XKR7: variants seen among roughly 807,000 people sequenced by gnomAD.
XKR7 encodes XK-related protein 7.
Under a neutral mutation model 42.2 loss-of-function variants are expected in XKR7, and 11 were observed. The observed-to-expected ratio is 0.26, with a 90% CI of 0.16 to 0.43. XKR7 has a LOEUF of 0.43. Ranked by LOEUF, XKR7 falls within the 20% of genes least tolerant of loss-of-function variation. The pLI is 1.00. For synonymous variants in XKR7, 346 were observed against 366.4 expected (o/e 0.94, Z 0.64); for missense variants, 710 against 802.2 (o/e 0.89, Z 1.39).
chr20:31,982,379 G>A (rs1040289999), intron 1 of XKR7, among the ~76,000 whole-genome samples: 23 of 151,948 alleles, frequency 1.5e-4, no homozygotes, highest in African/African-American at 5.6e-4. Context: ...AAATCAGCTG[G>A]GGTGTGGTGG....
chr20:31,968,689 C>T lies in XKR7; in HGVS notation c.514C>T (p.Arg172Cys). The T allele has an allele frequency of 6.4e-7, 1 of 1,565,558 alleles. No homozygotes were observed. The highest frequency in any genetic ancestry group is 8.6e-7 in the Non-Finnish European group (1 of 1,163,560). Residue 172 changes from arginine to cysteine, a missense_variant, in exon 1 of 3, where the codon CGC (arginine) becomes TGC (cysteine). Physicochemically the swap from Arg to Cys is radical, Grantham distance 180. Coordinates refer to ENST00000562532, the MANE Select transcript of XKR7 (RefSeq NM_001011718.2). This position sits in a 1 kb window ranked among gnomAD's most constrained non-coding sequence, Gnocchi z 4.5. ...CTCCTCGGCCAGCGCCTACCGCCGC[C>T]GCTGCTGCCGCCTCTGCATCTGGCT... ...APSSASAYRRRCCRLCIWLLQ... is the reference protein window; with the variant it reads ...APSSASAYRRCCCRLCIWLLQ...
intron 1 of XKR7, among the ~76,000 whole-genome samples, chr20:31,978,946 CCAA>C (rs1354614436): frequency 1.3e-5 from 2 of 152,092 alleles, no homozygotes; most frequent in East Asian, 3.9e-4. Context: ...ACCAGCCTGG[CCAA>C]CATGGTGAAA....
In XKR7 at chr20:32,000,338, C is replaced by T. The variant is rs73102671; in HGVS notation, c.*2881C>T. ...CAGTCTCTCCCCTAGCAGAACTGACCCCCCTGGTCCTCTGCCTCCTGTCCC... is the reference window on the plus strand; with the variant it reads ...CAGTCTCTCCCCTAGCAGAACTGACTCCCCTGGTCCTCTGCCTCCTGTCCC... On this transcript the variant is annotated 3_prime_UTR_variant, in exon 3 of 3. Coordinates refer to ENST00000562532, the MANE Select transcript of XKR7 (RefSeq NM_001011718.2). The T allele has an allele frequency of 0.083, 12,429 of 150,404 alleles. 561 individuals carry two copies. Among genetic ancestry groups the T allele is most frequent in the African/African-American group, 0.14 (5,575 of 39,462 alleles). The allele number at this position is 150,404 out of a possible 1,614,324, so 9.3% of individuals were successfully genotyped here. A position where few individuals can be genotyped will look rare whatever the true frequency, so the allele number is the denominator to read the frequency against.
chr20:31,981,211 A>T (rs1268282851), intron 1 of XKR7, among the ~76,000 whole-genome samples: 2 of 151,906 alleles, frequency 1.3e-5, no homozygotes, highest in Non-Finnish European at 2.9e-5. Flanking sequence ...CAAAAAAAAA[A>T]AAAATACAAA....
rs1444408770 is a variant in XKR7 at position 31,998,786 on chromosome 20, A to G, written c.*1329A>G. ...ATCCTGGCTCTCAGCCACTCTGCAAATGGGGCTCCCTGGAGCGGCATCTGG... is the reference window on the plus strand; with the variant it reads ...ATCCTGGCTCTCAGCCACTCTGCAAGTGGGGCTCCCTGGAGCGGCATCTGG... On this transcript the variant is annotated 3_prime_UTR_variant, in exon 3 of 3. Coordinates refer to ENST00000562532, the MANE Select transcript of XKR7 (RefSeq NM_001011718.2). The G allele has an allele frequency of 6.6e-6, 1 of 152,196 alleles. No homozygotes were observed. The highest frequency in any genetic ancestry group is 2.4e-5 in the African/African-American group (1 of 41,522). The allele number at this position is 152,196 out of a possible 1,614,324, so 9.4% of individuals were successfully genotyped here.
chr20:31,995,254 G>C lies in XKR7; in HGVS notation c.771G>C (p.Ala257=). Residue 257 remains alanine (A), a synonymous_variant, in exon 2 of 3, where the codon GCG becomes GCC. Transcript: ENST00000562532. This position sits in a 1 kb window ranked among gnomAD's most constrained non-coding sequence, Gnocchi z 4.1. ...GCCTGCTGGTGCACCGCGGTGGCGC[G>C]CCCGACCTGCTGCCGGGTGAGCCCG... The part of the protein sequence containing the change: ...QLSLLVHRGG[A]PDLLPALSTS... 1 of 1,537,374 alleles carries C rather than the reference G, an allele frequency of 6.5e-7. No individual in the cohort carries two copies. The highest frequency in any genetic ancestry group is 2.2e-4 in the Middle Eastern group (1 of 4,592).
intron 1 of XKR7, among the ~76,000 whole-genome samples, chr20:31,975,364 C>T (rs948296924): frequency 2.6e-5 from 4 of 152,144 alleles, no homozygotes; most frequent in Non-Finnish European, 4.4e-5. Context: ...GCTCTACCCA[C>T]ATGACAACCT....
intron 1 of XKR7, among the ~76,000 whole-genome samples, chr20:31,985,665 G>A (rs1448195824): frequency 2.0e-5 from 3 of 149,680 alleles, no homozygotes; most frequent in Non-Finnish European, 4.4e-5. Flanking sequence ...CCAAGACACA[G>A]ACAGACCACC....
At chr20:31,976,272 C>T (rs931749485) in intron 1 of XKR7, among the ~76,000 whole-genome samples, 1 of 152,216 alleles carries the variant, frequency 6.6e-6, no homozygotes, top group Non-Finnish European at 1.5e-5. Flanking sequence ...CCCAAACCCA[C>T]ATGTGGAACC....
intron 1 of XKR7, among the ~76,000 whole-genome samples, chr20:31,989,832 T>C (rs1310111066): frequency 6.6e-6 from 1 of 152,164 alleles, no homozygotes; most frequent in Non-Finnish European, 1.5e-5. Flanking sequence ...AGGCTGGTCT[T>C]GAACTCCTGG....
intron 1 of XKR7, among the ~76,000 whole-genome samples, chr20:31,987,417 T>C (rs1270847476): frequency 1.4e-4 from 11 of 75,906 alleles, no homozygotes; most frequent in South Asian, 4.3e-4. Flanking sequence ...GACCACCAAG[T>C]AGACCCAGCA....
chr20:31,985,431 G>T (rs2064533350), intron 1 of XKR7, among the ~76,000 whole-genome samples: 1 of 151,844 alleles, frequency 6.6e-6, no homozygotes, highest in Non-Finnish European at 1.5e-5. Flanking sequence ...GAGACCCAGA[G>T]TCAGGGAGAG....
chr20:31,978,338 G>T (rs1022078704), intron 1 of XKR7, among the ~76,000 whole-genome samples: 2 of 152,188 alleles, frequency 1.3e-5, no homozygotes, highest in Admixed American at 1.3e-4. Flanking sequence ...TTGAACTCCT[G>T]GGCTCAAGTG....
At chr20:31,971,655 G>C (rs114210410) in intron 1 of XKR7, among the ~76,000 whole-genome samples, 423 of 152,276 alleles carry the variant, frequency 2.8e-3, no homozygotes, top group African/African-American at 8.8e-3. Context: ...CACCTGGGAG[G>C]CTAGGCAGTC....
chr20:31,973,897 G>T (rs2064474632), intron 1 of XKR7, among the ~76,000 whole-genome samples: 1 of 152,090 alleles, frequency 6.6e-6, no homozygotes, highest in Admixed American at 6.5e-5. Flanking sequence ...CTGCTGGGTG[G>T]GGAATAGACT....
In XKR7 at chr20:31,995,269, G is replaced by C; in HGVS notation, c.786G>C (p.Pro262=). ...VHRGGAPDLL[P]ALSTSASLVS... is the part of the protein sequence containing the mutation. Reference sequence around the variant, plus strand: ...GCGGTGGCGCGCCCGACCTGCTGCCGGGTGAGCCCGCCCCTTCACCCTCTG... The same window carrying C: ...GCGGTGGCGCGCCCGACCTGCTGCCCGGTGAGCCCGCCCCTTCACCCTCTG... Residue 262 remains proline (P), a splice_region_variant and synonymous_variant, in exon 2 of 3, where the codon CCG becomes CCC. Coordinates refer to ENST00000562532, the MANE Select transcript of XKR7 (RefSeq NM_001011718.2). The surrounding 1 kb of genome is among the most constrained non-coding windows in gnomAD (Gnocchi z 4.1). 1.3e-6 allele frequency: 2 copies of C among 1,535,370 alleles called. No individual in the cohort carries two copies. The highest frequency in any genetic ancestry group is 1.2e-5 in the South Asian group (1 of 83,846).
intron 1 of XKR7, among the ~76,000 whole-genome samples, chr20:31,976,720 G>C (rs998876772): frequency 4.6e-5 from 7 of 152,120 alleles, no homozygotes; most frequent in Non-Finnish European, 1.0e-4. Flanking sequence ...TTAATGTAAA[G>C]TCCCCACTGT....
intron 1 of XKR7, among the ~76,000 whole-genome samples, chr20:31,973,042 A>T (rs1304067655): frequency 6.6e-6 from 1 of 152,208 alleles, no homozygotes; most frequent in Non-Finnish European, 1.5e-5. Flanking sequence ...TCCGTTGTAA[A>T]CTAGGGACCA....
Position 32,002,865 on chromosome 20 carries a change from G to A in XKR7, c.*5408G>A, listed in dbSNP as rs374895801. 1 of 152,184 alleles carries A rather than the reference G, an allele frequency of 6.6e-6. No homozygotes were observed. The highest frequency in any genetic ancestry group is 1.5e-5 in the Non-Finnish European group (1 of 68,032). 9.4% of individuals were successfully genotyped at this position (152,184 alleles called of 1,614,324 possible). ...AGGCCCTCAGGGTCTGGGACCCCAC[G>A]TTGGGAATCAATGGTTTAGACATCC... is the stretch of plus-strand genomic sequence containing the variant. On this transcript the variant is annotated 3_prime_UTR_variant, in exon 3 of 3. Coordinates refer to ENST00000562532, the MANE Select transcript of XKR7 (RefSeq NM_001011718.2).
Sources: allele counts gnomAD v4.1 joint callset (sites outside exome capture counted in the v4.1 genomes callset), GRCh38; gene constraint gnomAD v4.1.1; non-coding constraint Gnocchi (gnomAD v3.1); transcripts MANE v1.5; gene names NCBI Gene and HGNC (gene_info 2026-07-23, HGNC 2026-07-21).